The following GANC variants were observed in gnomAD, a reference collection of about 807,000 sequenced individuals.
GANC encodes glucosidase alpha, neutral C, also known as neutral alpha-glucosidase C.
In GANC, 117 loss-of-function variants were observed where a neutral mutation model predicts 124.2. The ratio of observed to expected loss-of-function variants is 0.94; its 90% CI spans 0.81 to 1.10. GANC has a LOEUF of 1.10. Among genes scored for constraint, GANC ranks in the 50% least tolerant of loss-of-function variants. The probability of loss-of-function intolerance (pLI) is 0.00; values close to 1 mark genes in which losing one functional copy is unlikely to be tolerated. For missense variants in GANC, 1,140 were observed against 1,095.0 expected, an observed-to-expected ratio of 1.04 and a Z score of -0.58; for synonymous variants, 377 against 376.8, an observed-to-expected ratio of 1.00 and a Z score of -0.01.
chr15:42,283,496 G>A, intron 3 of GANC: 1 of 623,614 alleles, frequency 1.6e-6, no homozygotes, highest in Non-Finnish European at 2.9e-6. Flanking sequence ...TGTGAGTCTA[G>A]CTTAAATAGC....
At position 42,331,490 on chromosome 15, in the gene GANC, T is replaced by C. The variant is rs547833651; in HGVS notation, c.1741+818T>C. Among the ~76,000 whole-genome samples, 12 of 152,326 alleles carry C rather than the reference T, an allele frequency of 7.9e-5. No homozygotes were observed. In the South Asian group the frequency reaches 1.9e-3, roughly 24 times the overall value. On this transcript the variant is annotated intron_variant, in intron 15 of 23. Transcript: ENST00000318010. ...AACAACCCTGTGGCAGGAAGGCTAT[T>C]TTAAGTCCCCTGGCCTTGCATAAGC...
chr15:42,275,396 T>G (rs2051658157), intron 1 of GANC, among the ~76,000 whole-genome samples: 1 of 152,152 alleles, frequency 6.6e-6, no homozygotes, highest in South Asian at 2.1e-4. Context: ...TTTAATAAAT[T>G]AAAATAAACG....
intron 2 of GANC, among the ~76,000 whole-genome samples, chr15:42,276,688 A>G (rs930564070): frequency 2.0e-5 from 3 of 152,172 alleles, no homozygotes; most frequent in Admixed American, 6.5e-5. Context: ...ACATGGTTCA[A>G]AAATAATATA....
intron 11 of GANC, among the ~76,000 whole-genome samples, chr15:42,325,979 A>G (rs2052195359): frequency 6.6e-6 from 1 of 152,206 alleles, no homozygotes. Context: ...GCTGGTCTCA[A>G]ACTCCTGGCC....
chr15:42,312,828 G>T (rs1028371834), intron 10 of GANC, among the ~76,000 whole-genome samples: 1 of 151,850 alleles, frequency 6.6e-6, no homozygotes. Context: ...CCAGCTACTC[G>T]GGAGGCTGAG....
Position 42,273,400 on chromosome 15 carries a change from T to A in GANC, c.-1082T>A, listed in dbSNP as rs767925572. The A allele has an allele frequency of 6.2e-7, 1 of 1,613,924 alleles. No individual in the cohort carries two copies. On this transcript the variant is annotated 5_prime_UTR_variant, in exon 1 of 24. Coordinates refer to ENST00000318010, the MANE Select transcript of GANC (RefSeq NM_198141.3). ...CTGAAGCCACGCAGCCGCCGCCATC[T>A]TCACAGCCGTGGAGTGCCTACCGAA...
intron 13 of GANC, among the ~76,000 whole-genome samples, chr15:42,328,417 G>A (rs1250416794): frequency 6.6e-6 from 1 of 150,938 alleles, no homozygotes; most frequent in Non-Finnish European, 1.5e-5. Context: ...GCTTTAGATG[G>A]TTCTAAAGGA....
chr15:42,335,235 A>G (rs2052275228), intron 15 of GANC, among the ~76,000 whole-genome samples: 2 of 152,180 alleles, frequency 1.3e-5, no homozygotes, highest in South Asian at 4.1e-4. Context: ...TGGCAGACTG[A>G]ATTCAGCAGC....
At chr15:42,299,219 T>C (rs1311732025) in intron 6 of GANC, among the ~76,000 whole-genome samples, 2 of 152,238 alleles carry the variant, frequency 1.3e-5, no homozygotes, top group African/African-American at 4.8e-5. Flanking sequence ...GTAGCTCTTA[T>C]TATTTTGAGA....
intron 20 of GANC, among the ~76,000 whole-genome samples, chr15:42,346,110 T>C (rs1394913383): frequency 6.6e-6 from 1 of 152,230 alleles, no homozygotes; most frequent in Non-Finnish European, 1.5e-5. Context: ...ACAAGGACAC[T>C]GTTCCTGTCG....
intron 10 of GANC, among the ~76,000 whole-genome samples, chr15:42,317,108 G>A (rs2052113355): frequency 6.6e-6 from 1 of 151,868 alleles, no homozygotes; most frequent in Non-Finnish European, 1.5e-5. Context: ...TCAGTCTCTT[G>A]CCTCGGCACC....
At chr15:42,343,195 C>A in intron 19 of GANC, 41 bp downstream of exon 19, 2 of 1,517,730 alleles carry the variant, frequency 1.3e-6, no homozygotes, top group South Asian at 2.2e-5. Flanking sequence ...TGTCTCATAT[C>A]TCTCATCCCT....
At chr15:42,281,963 G>C (rs1406298957) in intron 3 of GANC, among the ~76,000 whole-genome samples, 1 of 152,116 alleles carries the variant, frequency 6.6e-6, no homozygotes, top group East Asian at 1.9e-4. Flanking sequence ...CAGGCAGATG[G>C]ATCTCCTGAG....
chr15:42,330,197 A>G (rs928674380), intron 14 of GANC, among the ~76,000 whole-genome samples: 3 of 152,242 alleles, frequency 2.0e-5, no homozygotes, highest in African/African-American at 7.2e-5. Context: ...GCTGTCTTAT[A>G]TAGGTCAGGA....
chr15:42,291,103 T>C (rs1343349058), intron 4 of GANC, among the ~76,000 whole-genome samples: 1 of 151,784 alleles, frequency 6.6e-6, no homozygotes, highest in Non-Finnish European at 1.5e-5. Flanking sequence ...CCAATTACAG[T>C]CAAACCCGGG....
chr15:42,301,009 A>C (rs1361860215), intron 6 of GANC, among the ~76,000 whole-genome samples: 5 of 113,616 alleles, frequency 4.4e-5, no homozygotes, highest in African/African-American at 1.5e-4. Flanking sequence ...CAAGAGTGAA[A>C]CTCCATCTCA....
intron 18 of GANC, among the ~76,000 whole-genome samples, chr15:42,341,021 C>T (rs940886649): frequency 6.6e-6 from 1 of 151,890 alleles, no homozygotes; most frequent in East Asian, 1.9e-4. Flanking sequence ...ACCTTGGCCT[C>T]CCAAAGTGCT....
At position 42,339,728 on chromosome 15, in the gene GANC, G is replaced by A. The variant is rs2052314729; in HGVS notation, c.1903G>A (p.Ala635Thr). ...ETELLVRWYQ[A>T]GAYQPFFRGH... ...AGAGCTGCTAGTGCGTTGGTACCAG[G>A]CTGGAGCCTACCAGCCCTTCTTCCG... Residue 635 changes from alanine (A) to threonine (T), a missense_variant, in exon 17 of 24, where the codon GCT (alanine) becomes ACT (threonine). Physicochemically the swap from Ala to Thr is moderately conservative, Grantham distance 58 (BLOSUM62 0). Transcript: ENST00000318010. The A allele has an allele frequency of 6.2e-7, 1 of 1,614,192 alleles. No homozygotes were observed. Among genetic ancestry groups the A allele is most frequent in the Non-Finnish European group, 8.5e-7 (1 of 1,180,036 alleles).
At chr15:42,285,947 C>T (rs774335195) in intron 3 of GANC, among the ~76,000 whole-genome samples, 13 of 151,990 alleles carry the variant, frequency 8.6e-5, no homozygotes, top group Non-Finnish European at 1.2e-4. Flanking sequence ...CTCTCTTTTC[C>T]CCCCTGGGCT....
Sources: gnomAD v4.1 joint callset for allele counts (sites outside exome capture counted in the v4.1 genomes callset) on GRCh38, gnomAD v4.1.1 for gene constraint, MANE v1.5 for transcripts, NCBI Gene and HGNC (gene_info 2026-07-23, HGNC 2026-07-21) for gene names.